The following SNX7 variants were observed in gnomAD, a reference collection of about 807,000 sequenced individuals.
The protein encoded by SNX7 is sorting nexin-7.
In SNX7, 35 loss-of-function variants were observed where a neutral mutation model predicts 48.4. The ratio of observed to expected loss-of-function variants is 0.72; its 90% confidence interval spans 0.55 to 0.96. The LOEUF is 0.96. Among genes scored for constraint, SNX7 ranks in the 40% least tolerant of loss-of-function variants. The pLI, the probability that SNX7 is intolerant of heterozygous loss-of-function variation, is 0.00. For missense variants in SNX7, 553 were observed against 548.9 expected (o/e 1.01, Z -0.07); for synonymous variants, 190 against 190.2 (o/e 1.00, Z 0.01).
At position 98,715,552 on chromosome 1, in the gene SNX7, G is replaced by GT. The variant is rs148407426; in HGVS notation, c.1125+13650dup. On this transcript the variant is annotated intron_variant, in intron 7 of 8. Coordinates refer to ENST00000306121, the MANE Select transcript of SNX7 (RefSeq NM_015976.5). ...ATACTTTAACTTTCAATTTATTCAT[G>GT]TATGAATTTGTTTTTATTTTAAGAC... 6.8e-3 allele frequency among the ~76,000 whole-genome samples: 1,032 copies of GT among 152,242 alleles called. 11 individuals are homozygous for GT. The highest frequency in any genetic ancestry group is 0.024 in the African/African-American group (992 of 41,552).
intron 1 of SNX7, among the ~76,000 whole-genome samples, chr1:98,664,930 A>G (rs1428293560): frequency 6.6e-6 from 1 of 152,240 alleles, no homozygotes; most frequent in Admixed American, 6.5e-5. Context: ...TTATTTTAGA[A>G]CTAGGTCACA....
At chr1:98,706,345 G>T (rs556777769) in intron 7 of SNX7, among the ~76,000 whole-genome samples, 1 of 152,140 alleles carries the variant, frequency 6.6e-6, no homozygotes, top group Non-Finnish European at 1.5e-5. Context: ...TGGGGGAAGA[G>T]CCTTTCAGGC....
chr1:98,726,135 C>T (rs1181756424), intron 7 of SNX7, among the ~76,000 whole-genome samples: 3 of 152,144 alleles, frequency 2.0e-5, no homozygotes, highest in Admixed American at 2.0e-4. Flanking sequence ...GGAAACTGCA[C>T]CCTCTGAAGG....
intron 7 of SNX7, among the ~76,000 whole-genome samples, chr1:98,715,878 A>G (rs1410236868): frequency 6.6e-6 from 1 of 152,066 alleles, no homozygotes; most frequent in Non-Finnish European, 1.5e-5. Context: ...GACCTTCTGT[A>G]TGAGCAGAGC....
At chr1:98,694,320 G>A (rs1156945092) in intron 4 of SNX7, among the ~76,000 whole-genome samples, 3 of 150,842 alleles carry the variant, frequency 2.0e-5, no homozygotes, top group Admixed American at 2.0e-4. Flanking sequence ...CAGTGAGCCA[G>A]GATTGTGCCA....
intron 1 of SNX7, among the ~76,000 whole-genome samples, chr1:98,675,238 T>A (rs999251881): frequency 9.2e-5 from 14 of 152,206 alleles, no homozygotes; most frequent in African/African-American, 3.4e-4. Context: ...TTTTCTTCAG[T>A]TATTCATGTC....
intron 8 of SNX7, among the ~76,000 whole-genome samples, chr1:98,746,158 A>G (rs1034786363): frequency 6.6e-6 from 1 of 152,020 alleles, no homozygotes; most frequent in Admixed American, 6.6e-5. Context: ...GGAAATTTGG[A>G]TAAGTGAAGA....
chr1:98,691,937 A>ACACACTCT (rs376006567), intron 4 of SNX7, among the ~76,000 whole-genome samples: 4,692 of 131,092 alleles, frequency 0.036, 81 homozygotes, highest in African/African-American at 0.044. Context: ...ACACACACAC[A>ACACACTCT]CTCTCTCTCT....
intron 6 of SNX7, among the ~76,000 whole-genome samples, chr1:98,701,415 G>A (rs926418710): frequency 5.9e-5 from 9 of 151,606 alleles, no homozygotes; most frequent in African/African-American, 2.2e-4. Context: ...GTGTAGATAT[G>A]GTCCATGTGA....
At chr1:98,704,613 G>A (rs572596732) in intron 7 of SNX7, among the ~76,000 whole-genome samples, 20 of 152,210 alleles carry the variant, frequency 1.3e-4, no homozygotes, top group African/African-American at 4.6e-4. Flanking sequence ...CCATGGCAAC[G>A]TGCCCTTGTG....
chr1:98,670,344 G>A (rs528470994), intron 1 of SNX7, among the ~76,000 whole-genome samples: 2 of 152,228 alleles, frequency 1.3e-5, no homozygotes, highest in East Asian at 3.9e-4. Context: ...TTGATTACAA[G>A]TAGTGGAAGC....
At chr1:98,693,382 C>T (rs1651255448) in intron 4 of SNX7, among the ~76,000 whole-genome samples, 1 of 152,102 alleles carries the variant, frequency 6.6e-6, no homozygotes, top group Non-Finnish European at 1.5e-5. Context: ...CAGTTACTGG[C>T]AAATGTTGAG....
chr1:98,741,327 A>G (rs1191708144), intron 8 of SNX7, among the ~76,000 whole-genome samples: 5 of 152,158 alleles, frequency 3.3e-5, no homozygotes, highest in African/African-American at 9.6e-5. Context: ...AATACATGGT[A>G]TGGGTCTGTA....
intron 2 of SNX7, among the ~76,000 whole-genome samples, chr1:98,687,273 T>C (rs58867064): frequency 0.036 from 5,479 of 152,250 alleles, 393 homozygotes; most frequent in East Asian, 0.34. Context: ...CCAAACAGTT[T>C]ACTTTCATAG....
At chr1:98,731,726 G>A (rs1438896997) in intron 7 of SNX7, among the ~76,000 whole-genome samples, 2 of 152,038 alleles carry the variant, frequency 1.3e-5, no homozygotes, top group African/African-American at 4.8e-5. Flanking sequence ...TTGAAACACA[G>A]TGGTAAATAT....
intron 7 of SNX7, among the ~76,000 whole-genome samples, chr1:98,728,218 T>C (rs564756864): frequency 1.3e-5 from 2 of 152,302 alleles, no homozygotes; most frequent in East Asian, 1.9e-4. Flanking sequence ...CAGAAGTGTT[T>C]GGTGGCCAAT....
At chr1:98,745,914 A>C (rs1175083849) in intron 8 of SNX7, among the ~76,000 whole-genome samples, 2 of 152,100 alleles carry the variant, frequency 1.3e-5, no homozygotes, top group African/African-American at 4.8e-5. Context: ...TTGTGTTTCG[A>C]GAGCCCAGCA....
At chr1:98,749,539 CAGA>C (rs1654481969) in intron 8 of SNX7, among the ~76,000 whole-genome samples, 1 of 152,046 alleles carries the variant, frequency 6.6e-6, no homozygotes, top group African/African-American at 2.4e-5. Flanking sequence ...AGATGATTCT[CAGA>C]AGCTGAATTT....
At chr1:98,685,287 T>C (rs1650733468) in intron 2 of SNX7, among the ~76,000 whole-genome samples, 1 of 152,192 alleles carries the variant, frequency 6.6e-6, no homozygotes, top group Admixed American at 6.5e-5. Context: ...TAGTCACTCA[T>C]TTTATAGCAG....
Sources: gnomAD v4.1 joint callset for allele counts (sites outside exome capture counted in the v4.1 genomes callset) on GRCh38, gnomAD v4.1.1 for gene constraint, MANE v1.5 for transcripts, NCBI Gene and HGNC (gene_info 2026-07-23, HGNC 2026-07-21) for gene names.